TCAIM: variants seen among roughly 807,000 people sequenced by gnomAD.
TCAIM encodes T-cell activation inhibitor, mitochondrial.
TCAIM carries 36 observed loss-of-function variants against 58.6 expected under a neutral mutation model. The observed-to-expected ratio is 0.61, with a 90% CI of 0.47 to 0.81. The LOEUF (loss-of-function observed/expected upper bound fraction) is 0.81. TCAIM is among the 30% of genes least tolerant of loss of function. The pLI is 0.00. For missense variants in TCAIM, 466 were observed against 579.6 expected, an observed-to-expected ratio of 0.80 and a Z score of 2.01; for synonymous variants, 172 against 193.6, an observed-to-expected ratio of 0.89 and a Z score of 0.93.
rs1324617232 is a variant in TCAIM at position 44,367,437 on chromosome 3, G to C, written c.320-19G>C. The C allele has an allele frequency of 6.3e-7, 1 of 1,589,676 alleles. No individual in the cohort carries two copies. Among genetic ancestry groups the C allele is most frequent in the Middle Eastern group, 1.7e-4 (1 of 5,938 alleles). On this transcript the variant is annotated intron_variant, in intron 4 of 10. Coordinates refer to ENST00000342649, the MANE Select transcript of TCAIM (RefSeq NM_173826.4). ...AATAATCATCTGTATTAATTGTTTG[G>C]GGGAATTATATTCTCTAGGATTTCG...
intron 10 of TCAIM, among the ~76,000 whole-genome samples, chr3:44,405,053 C>A (rs1176175912): frequency 1.3e-5 from 2 of 152,058 alleles, no homozygotes; most frequent in African/African-American, 4.8e-5. Context: ...ACTTGTAGCT[C>A]CTGTCTCTTG....
chr3:44,342,022 C>A (rs1700864273), intron 1 of TCAIM, among the ~76,000 whole-genome samples: 1 of 152,172 alleles, frequency 6.6e-6, no homozygotes, highest in South Asian at 2.1e-4. Flanking sequence ...CAGTGAGCAT[C>A]AGATACAGAC....
At chr3:44,365,796 A>C (rs1410954357) in intron 4 of TCAIM, among the ~76,000 whole-genome samples, 1 of 152,222 alleles carries the variant, frequency 6.6e-6, no homozygotes, top group Non-Finnish European at 1.5e-5. Context: ...ATGTGGCCAA[A>C]GAACTTAATT....
rs915342013 is a variant in TCAIM at position 44,342,533 on chromosome 3, AT to A, written c.-45+3708del. On this transcript the variant is annotated intron_variant, in intron 1 of 10. Coordinates refer to ENST00000342649, the MANE Select transcript of TCAIM (RefSeq NM_173826.4). ...AGGAGTAGCTTTATTTATCAATCAA[AT>A]TTTTTTTTAAAAGACTTGGAAATCT... 1.8e-3 allele frequency among the ~76,000 whole-genome samples: 276 copies of A among 151,816 alleles called. 4 individuals are homozygous for A. The highest frequency in any genetic ancestry group is 2.2e-4 in the Non-Finnish European group (15 of 67,906).
Position 44,367,689 on chromosome 3 carries a change from A to G in TCAIM, c.553A>G (p.Arg185Gly), listed in dbSNP as rs763030069. 4 of 1,611,746 alleles carry G rather than the reference A, an allele frequency of 2.5e-6. No individual in the cohort carries two copies. Among genetic ancestry groups the G allele is most frequent in the Non-Finnish European group, 3.4e-6 (4 of 1,178,358 alleles). ...DPDEDLEQVS[R>G]VETTLTSWLD... Reference sequence around the variant, plus strand: ...TGATGAAGACCTTGAACAAGTCTCGAGAGTGGAAACAACTCTCACGTATGT... The same window carrying G: ...TGATGAAGACCTTGAACAAGTCTCGGGAGTGGAAACAACTCTCACGTATGT... The change falls in exon 5 of 11, where the codon AGA becomes GGA. Residue 185 changes from arginine to glycine, a missense_variant. Transcript: ENST00000342649.
chr3:44,378,516 A>G (rs1701602936), intron 5 of TCAIM, among the ~76,000 whole-genome samples: 1 of 151,468 alleles, frequency 6.6e-6, no homozygotes, highest in Non-Finnish European at 1.5e-5. Context: ...GCTCAATATT[A>G]CTAATCATAA....
At chr3:44,375,087 A>G (rs1701543832) in intron 5 of TCAIM, among the ~76,000 whole-genome samples, 1 of 152,096 alleles carries the variant, frequency 6.6e-6, no homozygotes, top group South Asian at 2.1e-4. Flanking sequence ...ATACCTTTTA[A>G]TGTTCTTTTG....
At chr3:44,365,903 C>CTGTTAATAGTGATTACCTCAAG (rs1701366608) in intron 4 of TCAIM, among the ~76,000 whole-genome samples, 3 of 152,138 alleles carry the variant, frequency 2.0e-5, no homozygotes, top group African/African-American at 2.4e-5. Context: ...GAATATGTAC[C>CTGTTAATAGTGATTACCTCAAG]TGTTAATAGT....
At position 44,359,463 on chromosome 3, in the gene TCAIM, A is replaced by G. The variant is rs1227532501; in HGVS notation, c.165+1587A>G. On this transcript the variant is annotated intron_variant, in intron 3 of 10. Transcript: ENST00000342649. The stretch of plus-strand genomic sequence containing the variant: ...AGTGAATACCTGTTTTCCTGTGTCT[A>G]AGACCCTGGGCTGCACTGTATTAAT... 2.0e-5 allele frequency: 3 copies of G among 152,236 alleles called. No individual in the cohort carries two copies. The East Asian group carries it at 5.8e-4, about 29-fold the overall frequency. 9.4% of individuals were successfully genotyped at this position (152,236 alleles called of 1,614,324 possible).
chr3:44,344,737 C>T (rs933560351), intron 1 of TCAIM, among the ~76,000 whole-genome samples: 4 of 151,946 alleles, frequency 2.6e-5, no homozygotes, highest in African/African-American at 9.7e-5. Flanking sequence ...TGGGTGCAGG[C>T]GGGCTGAGTC....
chr3:44,348,652 G>T (rs1224474492), intron 1 of TCAIM, among the ~76,000 whole-genome samples: 1 of 152,194 alleles, frequency 6.6e-6, no homozygotes, highest in Non-Finnish European at 1.5e-5. Flanking sequence ...TTTAAGTCCT[G>T]TTGTGGGGTT....
chr3:44,402,891 G>A (rs556272553), intron 10 of TCAIM, among the ~76,000 whole-genome samples: 1 of 152,202 alleles, frequency 6.6e-6, no homozygotes, highest in East Asian at 1.9e-4. Flanking sequence ...TTAGCAGGGT[G>A]CCAGTGGAAG....
intron 10 of TCAIM, among the ~76,000 whole-genome samples, chr3:44,403,524 A>G (rs1025846083): frequency 6.6e-6 from 1 of 152,186 alleles, no homozygotes; most frequent in Non-Finnish European, 1.5e-5. Flanking sequence ...CTCAAGAGCA[A>G]TTCTAGCCAA....
chr3:44,368,029 T>C (rs1701409308), intron 5 of TCAIM: 2 of 258,562 alleles, frequency 7.7e-6, no homozygotes, highest in South Asian at 1.3e-4. Context: ...CCCCGGTACA[T>C]GGAGAAAGGC....
At chr3:44,369,129 C>T (rs1476030650) in intron 5 of TCAIM, among the ~76,000 whole-genome samples, 1 of 152,176 alleles carries the variant, frequency 6.6e-6, no homozygotes, top group Non-Finnish European at 1.5e-5. Flanking sequence ...GTTAATTGCA[C>T]ACAGAGGCTA....
chr3:44,399,984 G>A (rs921728377), intron 8 of TCAIM, among the ~76,000 whole-genome samples: 2 of 152,184 alleles, frequency 1.3e-5, no homozygotes, highest in African/African-American at 4.8e-5. Flanking sequence ...GGAATAGACT[G>A]AGTTGAAATA....
intron 5 of TCAIM, among the ~76,000 whole-genome samples, chr3:44,379,481 A>G (rs1440935585): frequency 6.6e-6 from 1 of 152,198 alleles, no homozygotes; most frequent in Non-Finnish European, 1.5e-5. Flanking sequence ...AATGCCCATC[A>G]ATGGACTGGG....
Position 44,400,525 on chromosome 3 carries a change from G to A in TCAIM, c.1056G>A (p.Leu352=). 6.2e-7 allele frequency: 1 copy of A among 1,613,682 alleles called. No homozygotes were observed. The highest frequency in any genetic ancestry group is 8.5e-7 in the Non-Finnish European group (1 of 1,179,870). ...TTCTTGATGTGTTTTATAATAGACT[G>A]TTGAAAAGTAGAATACTATTTCACC... ...YSLLDVFYNR[L]LKSRILFHPR... Residue 352 remains leucine (L), a synonymous_variant, in exon 9 of 11, where the codon CTG becomes CTA. Coordinates refer to ENST00000342649, the MANE Select transcript of TCAIM (RefSeq NM_173826.4).
intron 4 of TCAIM, chr3:44,363,069 G>C (rs1701317522): frequency 6.6e-6 from 1 of 152,198 alleles, no homozygotes; most frequent in Non-Finnish European, 1.5e-5. Context: ...GGTTGAAAGA[G>C]TCGAGCTCGT....
Sources: allele counts gnomAD v4.1 joint callset (sites outside exome capture counted in the v4.1 genomes callset), GRCh38; gene constraint gnomAD v4.1.1; transcripts MANE v1.5; gene names NCBI Gene and HGNC (gene_info 2026-07-23, HGNC 2026-07-21).